The following RGS19 variants were observed in gnomAD, a reference collection of about 807,000 sequenced individuals.
RGS19 encodes regulator of G protein signaling 19.
Under a neutral mutation model 22.0 loss-of-function variants are expected in RGS19, and 9 were observed. That is an observed-to-expected ratio of 0.41 (90% CI 0.25 to 0.71). The LOEUF is 0.71. Among genes scored for constraint, RGS19 ranks in the 30% least tolerant of loss-of-function variants. The probability of loss-of-function intolerance (pLI) is 0.32; values close to 1 mark genes in which losing one functional copy is unlikely to be tolerated. For synonymous variants in RGS19, 130 were observed against 127.3 expected (o/e 1.02, Z -0.14); for missense variants, 256 against 307.1 (o/e 0.83, Z 1.24).
At chr20:64,077,149 G>C (rs1444227598) in intron 1 of RGS19, 195 bp from the exon 2 acceptor site, 1 of 404,720 alleles carries the variant, frequency 2.5e-6, no homozygotes, top group Non-Finnish European at 4.4e-6. Flanking sequence ...TGAGGAGGGA[G>C]CTGCAGCAGC....
At chr20:64,078,909 G>GGCTGCCGCTTT (rs1446478067) in intron 1 of RGS19, among the ~76,000 whole-genome samples, 2 of 152,180 alleles carry the variant, frequency 1.3e-5, no homozygotes, top group East Asian at 3.8e-4. Context: ...CCTTGGGAGT[G>GGCTGCCGCTTT]GCTGCCGCTT....
At chr20:64,078,282 T>TAC (rs1320300238) in intron 1 of RGS19, among the ~76,000 whole-genome samples, 2 of 26,634 alleles carry the variant, frequency 7.5e-5, no homozygotes, top group Non-Finnish European at 9.6e-5. Context: ...CGGCCCAGTT[T>TAC]CCTCTGAGAC....
rs923745319 is a variant in RGS19 at position 64,073,663 on chromosome 20, G to C, written c.*190C>G. On this transcript the variant is annotated 3_prime_UTR_variant, in exon 6 of 6. Transcript: ENST00000395042. ...CACCTGGAGGCCCGCCCTGCACCTG[G>C]AGTTCCTGCTTGGCCACGGGTGGGC... The C allele has an allele frequency of 3.5e-6, 2 of 568,488 alleles. No individual in the cohort carries two copies. Among genetic ancestry groups the C allele is most frequent in the Admixed American group, 6.7e-5 (2 of 29,692 alleles). The allele number at this position is 568,488 out of a possible 1,614,324, so 35.2% of individuals were successfully genotyped here.
rs762977255 is a variant in RGS19 at position 64,074,523 on chromosome 20, G to A, written c.171C>T (p.Arg57=). The change falls in exon 4 of 6, where the codon CGC becomes CGT. Residue 57 remains arginine (R), a synonymous_variant. Transcript: ENST00000395042. Reference sequence around the variant, plus strand: ...TGCTCTCCCGGGAGGCCTGCCACGCGCGCCGCCGCTCTTGGTTCCTAGTGG... The same window carrying A: ...TGCTCTCCCGGGAGGCCTGCCACGCACGCCGCCGCTCTTGGTTCCTAGTGG... ...CSCSWNQERR[R]AWQASRESKL... 3.4e-4 allele frequency: 529 copies of A among 1,565,092 alleles called. No homozygotes were observed. The highest frequency in any genetic ancestry group is 4.5e-4 in the Non-Finnish European group (516 of 1,155,690).
chr20:64,077,606 C>T (rs1167352266), intron 1 of RGS19, among the ~76,000 whole-genome samples: 2 of 152,214 alleles, frequency 1.3e-5, no homozygotes, highest in East Asian at 3.8e-4. Context: ...CCCTCCTTGC[C>T]CACTGCCTCT....
intron 1 of RGS19, among the ~76,000 whole-genome samples, chr20:64,078,816 C>T (rs2059932137): frequency 6.6e-6 from 1 of 152,086 alleles, no homozygotes; most frequent in African/African-American, 2.4e-5. Flanking sequence ...ACCCCCTTCC[C>T]CAGCCTCCCA....
At chr20:64,074,105 G>A (rs1031707942) in intron 5 of RGS19, 39 bp downstream of exon 5, 10 of 1,604,370 alleles carry the variant, frequency 6.2e-6, no homozygotes, top group Non-Finnish European at 8.5e-6. Flanking sequence ...CTAGTGCCTG[G>A]AGCAGGCGGC....
At position 64,074,231 on chromosome 20, in the gene RGS19, C is replaced by T. The variant is rs1162891257; in HGVS notation, c.375G>A (p.Glu125=). 1.2e-6 allele frequency: 2 copies of T among 1,614,004 alleles called. No homozygotes were observed. The highest frequency in any genetic ancestry group is 1.7e-6 in the Non-Finnish European group (2 of 1,180,026). ...CATGCTGGTTGGCCTCGGCCTTCAG[C>T]TCCTCGCAGGCCAACCAGAAGAGCA... ...ENMLFWLACE[E]LKAEANQHVV... Residue 125 remains glutamate (E), a synonymous_variant, in exon 5 of 6, where the codon GAG becomes GAA. Transcript: ENST00000395042.
chr20:64,076,949 G>A lies in RGS19; in HGVS notation c.-63C>T. ...AGCTCTCAGACCCTCACCACAGCCTGGGGGTCTGGGGAGAGGGGCCAAGGT... is the reference window on the plus strand; with the variant it reads ...AGCTCTCAGACCCTCACCACAGCCTAGGGGTCTGGGGAGAGGGGCCAAGGT... On this transcript the variant is annotated 5_prime_UTR_variant, in exon 2 of 6. Coordinates refer to ENST00000395042, the MANE Select transcript of RGS19 (RefSeq NM_005873.3). The A allele has an allele frequency of 1.4e-6, 2 of 1,411,228 alleles. No homozygotes were observed. The highest frequency in any genetic ancestry group is 1.9e-6 in the Non-Finnish European group (2 of 1,068,578). The allele number at this position is 1,411,228 out of a possible 1,614,324, so 87.4% of individuals were successfully genotyped here.
chr20:64,078,291 A>C (rs1420477451), intron 1 of RGS19, among the ~76,000 whole-genome samples: 1 of 19,692 alleles, frequency 5.1e-5, no homozygotes, highest in Admixed American at 1.0e-3. Flanking sequence ...TTCCTCTGAG[A>C]CTGGGGGTCC....
Position 64,073,845 on chromosome 20 carries a change from G to T in RGS19, c.*8C>A. 1.9e-6 allele frequency: 3 copies of T among 1,600,610 alleles called. No homozygotes were observed. The highest frequency in any genetic ancestry group is 2.6e-6 in the Non-Finnish European group (3 of 1,171,382). Reference sequence around the variant, plus strand: ...GGAGGCGGCGGGGTCTGTGCTGCTGGGGGCGGCCTAGGCCTCGGAGGAGGA... The same window carrying T: ...GGAGGCGGCGGGGTCTGTGCTGCTGTGGGCGGCCTAGGCCTCGGAGGAGGA... On this transcript the variant is annotated 3_prime_UTR_variant, in exon 6 of 6. Coordinates refer to ENST00000395042, the MANE Select transcript of RGS19 (RefSeq NM_005873.3).
upstream of RGS19, chr20:64,079,857 G>T (rs2059946670): frequency 6.7e-6 from 1 of 149,284 alleles, no homozygotes; most frequent in Non-Finnish European, 1.5e-5. This position sits in a 1 kb window ranked among gnomAD's most constrained non-coding sequence, Gnocchi z 5.1. Context: ...CCCCGGCGCT[G>T]CGCGCGCGCA....
chr20:64,078,723 C>A (rs1481710547), intron 1 of RGS19, among the ~76,000 whole-genome samples: 1 of 152,166 alleles, frequency 6.6e-6, no homozygotes, highest in Non-Finnish European at 1.5e-5. Flanking sequence ...CAACCCATGT[C>A]CCCAGGCTAC....
intron 4 of RGS19, 25 bp downstream of exon 4, chr20:64,074,442 G>A (rs1172085505): frequency 5.1e-6 from 8 of 1,577,130 alleles, no homozygotes; most frequent in African/African-American, 4.0e-5. Flanking sequence ...CCCCCAGCAC[G>A]CACACACCAG....
chr20:64,074,297 C>G lies in RGS19; in HGVS notation c.309G>C (p.Val103=). 5 of 1,613,138 alleles carry G rather than the reference C, an allele frequency of 3.1e-6. No individual in the cohort carries two copies. Among genetic ancestry groups the G allele is most frequent in the Non-Finnish European group, 4.2e-6 (5 of 1,180,018 alleles). ...ACTCTGTCCGCAGGAACGCCCGGAA[C>G]ACGCTGCGTCCCGCTGGGCTGTGCA... ...KLMHSPAGRS[V]FRAFLRTEYS... Residue 103 remains valine (V), a synonymous_variant, in exon 5 of 6, where the codon GTG becomes GTC. Transcript: ENST00000395042.
At chr20:64,077,734 G>T (rs2059916207) in intron 1 of RGS19, among the ~76,000 whole-genome samples, 1 of 152,182 alleles carries the variant, frequency 6.6e-6, no homozygotes, top group African/African-American at 2.4e-5. Context: ...AGTCCCTGAG[G>T]GGGGTGTGGT....
Position 64,075,456 on chromosome 20 carries a change from T to C in RGS19, c.153-915A>G, listed in dbSNP as rs2059897867. 6.6e-6 allele frequency among the ~76,000 whole-genome samples: 1 copy of C among 152,196 alleles called. No individual in the cohort carries two copies. Among genetic ancestry groups the C allele is most frequent in the Non-Finnish European group, 1.5e-5 (1 of 68,016 alleles). On this transcript the variant is annotated intron_variant, in intron 3 of 5. Coordinates refer to ENST00000395042, the MANE Select transcript of RGS19 (RefSeq NM_005873.3). The surrounding 1 kb of genome is among the most constrained non-coding windows in gnomAD (Gnocchi z 4.6). ...GCACTTGGATGGCTGGCAGACATCG[T>C]GCACCCAAACGTCCTGACAGAACTA...
chr20:64,073,831 G>T lies in RGS19; in HGVS notation c.*22C>A. ...CAGAGTCGGCCGTAGGAGGCGGCGG[G>T]GTCTGTGCTGCTGGGGGCGGCCTAG... is the stretch of plus-strand genomic sequence containing the variant. On this transcript the variant is annotated 3_prime_UTR_variant, in exon 6 of 6. Coordinates refer to ENST00000395042, the MANE Select transcript of RGS19 (RefSeq NM_005873.3). The T allele has an allele frequency of 6.3e-7, 1 of 1,586,114 alleles. No individual in the cohort carries two copies. Among genetic ancestry groups the T allele is most frequent in the East Asian group, 2.3e-5 (1 of 44,442 alleles).
rs1484758839 is a variant in RGS19, at chr20:64,074,374, T to C, written c.232A>G (p.Thr78Ala). 6.2e-7 allele frequency: 1 copy of C among 1,606,344 alleles called. No individual in the cohort carries two copies. The highest frequency in any genetic ancestry group is 1.3e-5 in the African/African-American group (1 of 74,770). ...CTCTGCACCTCCTCAGGACTTGGCG[T>C]GGCACTGTGGGCACGGGGGCCAGGC... Reference protein sequence around the residue: ...QPLPSCEVCATPSPEEVQSWA... With the variant: ...QPLPSCEVCAAPSPEEVQSWA... Residue 78 changes from threonine (T) to alanine (A), a missense_variant, in exon 5 of 6, where the codon ACG (threonine) becomes GCG (alanine). Physicochemically the swap from Thr to Ala is moderately conservative, Grantham distance 58 (BLOSUM62 0). Transcript: ENST00000395042.
Sources: allele counts gnomAD v4.1 joint callset (sites outside exome capture counted in the v4.1 genomes callset), GRCh38; gene constraint gnomAD v4.1.1; non-coding constraint Gnocchi (gnomAD v3.1); transcripts MANE v1.5; gene names NCBI Gene and HGNC (gene_info 2026-07-23, HGNC 2026-07-21).